Variants in XG observed in about 807,000 individuals in gnomAD.
The protein encoded by XG is Xg glycoprotein (Xg blood group).
XG carries 24 observed loss-of-function variants against 25.7 expected under a neutral mutation model. That is an observed-to-expected ratio of 0.93 (90% CI 0.68 to 1.31). The LOEUF (loss-of-function observed/expected upper bound fraction) is 1.31. XG is among the 40% of genes most tolerant of loss of function. The pLI is 0.00. For synonymous variants in XG, 77 were observed against 69.2 expected (o/e 1.11, Z -0.56); for missense variants, 181 against 187.6 (o/e 0.96, Z 0.21).
chrX:2,801,856 C>A lies in XG; in HGVS notation c.373+4496C>A, dbSNP rs369865891. ...CCCGAGTAGCTGGGACTACAGGCGC[C>A]CGCCACCACGCCTGGCAATTTTTTC... is the stretch of plus-strand genomic sequence containing the variant. On this transcript the variant is annotated intron_variant, in intron 7 of 10. Transcript: ENST00000644266. Among the ~76,000 whole-genome samples the A allele has an allele frequency of 2.6e-3, 288 of 110,625 alleles. 2 individuals are homozygous for A. Among genetic ancestry groups the A allele is most frequent in the African/African-American group, 8.9e-3 (269 of 30,328 alleles).
chrX:2,798,639 G>A (rs779987702), intron 7 of XG, among the ~76,000 whole-genome samples: 1 of 111,130 alleles, frequency 9.0e-6, no homozygotes, highest in South Asian at 3.8e-4. Context: ...CCAAAGTGCT[G>A]GGATTACAGG....
At chrX:2,801,909 G>T (rs936122092) in intron 7 of XG, among the ~76,000 whole-genome samples, 3 of 109,733 alleles carry the variant, frequency 2.7e-5, no homozygotes, top group Admixed American at 9.8e-5. Context: ...GGGTTTCACC[G>T]TGTTAGCCAG....
intron 4 of XG, among the ~76,000 whole-genome samples, chrX:2,782,465 C>G (rs1459218564): frequency 3.6e-5 from 4 of 111,476 alleles, no homozygotes; most frequent in Non-Finnish European, 7.5e-5. Context: ...CTAAGGGAGG[C>G]TAGAGTTTTA....
chrX:2,757,501 G>A (rs370333689), intron 1 of XG, among the ~76,000 whole-genome samples: 2 of 151,800 alleles, frequency 1.3e-5, no homozygotes, highest in East Asian at 1.9e-4. Context: ...GTGTTTCTAT[G>A]TAAAGACTAA....
chrX:2,775,375 A>C (rs1463592519), intron 3 of XG, among the ~76,000 whole-genome samples: 1 of 152,232 alleles, frequency 6.6e-6, no homozygotes. Flanking sequence ...GAAGCCAGAC[A>C]CAAATGATCA....
intron 1 of XG, among the ~76,000 whole-genome samples, chrX:2,754,851 A>T (rs926052518): frequency 6.6e-6 from 1 of 152,162 alleles, no homozygotes; most frequent in African/African-American, 2.4e-5. Context: ...CAGTCCACTG[A>T]CTCAAATGTT....
At chrX:2,791,395 G>A (rs758870627) in intron 5 of XG, among the ~76,000 whole-genome samples, 341 of 111,338 alleles carry the variant, frequency 3.1e-3, no homozygotes, top group Non-Finnish European at 5.0e-3. Context: ...AAGGCACTCC[G>A]TGAAATCCAA....
Position 2,752,135 on chromosome X carries a change from A to C in XG, c.-140A>C, listed in dbSNP as rs2050342402. 7 of 1,448,374 alleles carry C rather than the reference A, an allele frequency of 4.8e-6. No homozygotes were observed. The highest frequency in any genetic ancestry group is 1.4e-5 in the African/African-American group (1 of 70,634). The allele number at this position is 1,448,374 out of a possible 1,614,324, so 89.7% of individuals were successfully genotyped here. ...CCATTTGTTTCTGGCAGTTCCGCTC[A>C]TATTTTCCACTTGAAGACATCGCCT... On this transcript the variant is annotated 5_prime_UTR_variant, in exon 1 of 11. Transcript: ENST00000644266.
intron 1 of XG, among the ~76,000 whole-genome samples, chrX:2,760,153 C>G (rs1252617966): frequency 6.6e-6 from 1 of 151,968 alleles, no homozygotes; most frequent in African/African-American, 2.4e-5. Flanking sequence ...GCACTCCAGC[C>G]TGGGCAACAG....
intron 1 of XG, among the ~76,000 whole-genome samples, chrX:2,757,262 A>C (rs1236648642): frequency 3.9e-5 from 6 of 152,044 alleles, no homozygotes; most frequent in African/African-American, 1.4e-4. Flanking sequence ...GTCTGTCTGC[A>C]CATGGGGTCT....
chrX:2,769,283 C>A (rs1270788599), intron 1 of XG, among the ~76,000 whole-genome samples: 1 of 152,154 alleles, frequency 6.6e-6, no homozygotes, highest in Non-Finnish European at 1.5e-5. Flanking sequence ...AGACCCAGTA[C>A]CTAGGGCTCA....
At chrX:2,768,544 G>A (rs1167344935) in intron 1 of XG, among the ~76,000 whole-genome samples, 1 of 152,172 alleles carries the variant, frequency 6.6e-6, no homozygotes, top group Non-Finnish European at 1.5e-5. Context: ...AAGGCAGGTG[G>A]GTCACTTGAG....
chrX:2,765,878 G>A (rs2050673741), intron 1 of XG, among the ~76,000 whole-genome samples: 1 of 152,214 alleles, frequency 6.6e-6, no homozygotes, highest in Admixed American at 6.5e-5. Context: ...CGTGGCCCCT[G>A]AAGCATTACT....
chrX:2,813,230 C>T (rs2087074451), intron 10 of XG, among the ~76,000 whole-genome samples: 1 of 110,037 alleles, frequency 9.1e-6, no homozygotes, highest in African/African-American at 3.3e-5. Context: ...CTTCCCCTCC[C>T]TTAAAGTTCC....
chrX:2,769,864 T>C (rs933264660), intron 1 of XG, among the ~76,000 whole-genome samples: 18 of 152,126 alleles, frequency 1.2e-4, no homozygotes, highest in Admixed American at 1.1e-3. Context: ...CCCCAAAGAA[T>C]TAAAAGTTTA....
chrX:2,791,387 G>A (rs778886669), intron 5 of XG, among the ~76,000 whole-genome samples: 1 of 111,354 alleles, frequency 9.0e-6, no homozygotes, highest in Non-Finnish European at 1.9e-5. Context: ...TAGGGTTCAA[G>A]GCACTCCGTG....
chrX:2,787,308 G>C (rs2086794142), intron 4 of XG, among the ~76,000 whole-genome samples: 1 of 111,825 alleles, frequency 8.9e-6, no homozygotes, highest in Non-Finnish European at 1.9e-5. Context: ...TGAGGACACA[G>C]GGAGAAGATG....
intron 5 of XG, among the ~76,000 whole-genome samples, chrX:2,791,235 C>T (rs1351468220): frequency 9.0e-6 from 1 of 110,972 alleles, no homozygotes; most frequent in Non-Finnish European, 1.9e-5. Context: ...AGAGTCTCAG[C>T]GATTCCATTG....
At chrX:2,810,895 G>A (rs1001902516) in intron 9 of XG, among the ~76,000 whole-genome samples, 2 of 108,437 alleles carry the variant, frequency 1.8e-5, no homozygotes, top group African/African-American at 3.4e-5. Context: ...CAGACTGGGC[G>A]ACAGAGCAAC....
Sources: allele counts gnomAD v4.1 joint callset (sites outside exome capture counted in the v4.1 genomes callset), GRCh38; gene constraint gnomAD v4.1.1; transcripts MANE v1.5; gene names NCBI Gene and HGNC (gene_info 2026-07-23, HGNC 2026-07-21).